SORCS3: variants seen among roughly 807,000 people sequenced by gnomAD.
SORCS3 encodes VPS10 domain-containing receptor SorCS3.
In SORCS3, 57 loss-of-function variants were observed where a neutral mutation model predicts 146.3. The observed-to-expected ratio is 0.39, with a 90% CI of 0.31 to 0.49. The LOEUF (loss-of-function observed/expected upper bound fraction) is 0.49, where lower values mean the gene tolerates loss of function less well. SORCS3 is among the 20% of genes least tolerant of loss of function. The pLI is 0.92. For synonymous variants in SORCS3, 653 were observed against 618.5 expected, an observed-to-expected ratio of 1.06 and a Z score of -0.83; for missense variants, 1,341 against 1,575.5, an observed-to-expected ratio of 0.85 and a Z score of 2.52.
intron 1 of SORCS3, among the ~76,000 whole-genome samples, chr10:104,829,554 G>T (rs182926391): frequency 1.1e-3 from 166 of 152,282 alleles, no homozygotes; most frequent in Non-Finnish European, 2.2e-3. Context: ...GGTTTAAACT[G>T]CCATTTGGGG....
At chr10:104,922,248 A>G (rs1159615863) in intron 3 of SORCS3, among the ~76,000 whole-genome samples, 1 of 152,240 alleles carries the variant, frequency 6.6e-6, no homozygotes, top group African/African-American at 2.4e-5. Flanking sequence ...TTTTCAGTCC[A>G]CAAATATTAA....
At chr10:105,002,902 C>G (rs902679925) in intron 4 of SORCS3, among the ~76,000 whole-genome samples, 10 of 152,184 alleles carry the variant, frequency 6.6e-5, no homozygotes, top group African/African-American at 2.4e-4. Context: ...ATATAGAGTA[C>G]TCGCTGTGTT....
intron 3 of SORCS3, among the ~76,000 whole-genome samples, chr10:104,966,751 G>A (rs996491015): frequency 1.3e-5 from 2 of 152,122 alleles, no homozygotes; most frequent in Non-Finnish European, 2.9e-5. Flanking sequence ...AGATTTCTGG[G>A]GAGGATTTTG....
chr10:104,670,017 A>G (rs1227114439), intron 1 of SORCS3, among the ~76,000 whole-genome samples: 1 of 151,890 alleles, frequency 6.6e-6, no homozygotes, highest in African/African-American at 2.4e-5. Flanking sequence ...TCATTTGTAT[A>G]TCTCCTTTGG....
chr10:105,217,868 C>T (rs771125313), intron 19 of SORCS3: 35 of 453,836 alleles, frequency 7.7e-5, no homozygotes, highest in African/African-American at 6.2e-4. Context: ...GAAATGTTGT[C>T]TTGGGGCTGG....
chr10:104,786,999 G>A (rs1320029288), intron 1 of SORCS3, among the ~76,000 whole-genome samples: 1 of 152,172 alleles, frequency 6.6e-6, no homozygotes, highest in Non-Finnish European at 1.5e-5. Context: ...GGCTAAGCTA[G>A]ACTTGTAGCT....
chr10:104,907,959 C>T (rs962749989), intron 2 of SORCS3, among the ~76,000 whole-genome samples: 4 of 152,226 alleles, frequency 2.6e-5, no homozygotes, highest in Admixed American at 2.0e-4. Context: ...TGGGCACTGG[C>T]CCTAAAATGA....
rs1197838063 is a variant in SORCS3 at position 105,226,932 on chromosome 10, T to A, written c.2868+3683T>A. On this transcript the variant is annotated intron_variant, in intron 20 of 26. Transcript: ENST00000369701. ...CCTCCTTTTCCATTTCTGATTTTAT[T>A]TGAGTCTTTACTCTTTCTTGGTTAG... Among the ~76,000 whole-genome samples the A allele has an allele frequency of 3.9e-5, 6 of 152,136 alleles. No homozygotes were observed. In the East Asian group the frequency reaches 1.2e-3, roughly 29 times the overall value.
At chr10:105,115,177 A>T (rs768357876) in intron 7 of SORCS3, among the ~76,000 whole-genome samples, 4 of 152,176 alleles carry the variant, frequency 2.6e-5, no homozygotes, top group Non-Finnish European at 4.4e-5. Flanking sequence ...GCCACCTACC[A>T]GCCAGGAAAT....
chr10:105,197,674 A>G (rs914122037), intron 14 of SORCS3, among the ~76,000 whole-genome samples: 1 of 152,160 alleles, frequency 6.6e-6, no homozygotes, highest in Non-Finnish European at 1.5e-5. Context: ...ATTACTATTA[A>G]ACCTGAAAAG....
In SORCS3 at chr10:104,802,810, A is replaced by G. The variant is rs533615878; in HGVS notation, c.628-39982A>G. 2.0e-5 allele frequency among the ~76,000 whole-genome samples: 3 copies of G among 152,306 alleles called. No individual in the cohort carries two copies. The East Asian group carries it at 5.8e-4, about 29-fold the overall frequency. On this transcript the variant is annotated intron_variant, in intron 1 of 26. Transcript: ENST00000369701. ...GAGCATAGAGAGTAGGAGACACCAA[A>G]TTGAGTTTTTTCACTCTTTTCTCTT...
At chr10:104,752,071 G>T (rs2133469512) in intron 1 of SORCS3, among the ~76,000 whole-genome samples, 1 of 148,014 alleles carries the variant, frequency 6.8e-6, no homozygotes, top group African/African-American at 2.5e-5. Flanking sequence ...GTCTTGCTTT[G>T]TCACCCAGGC....
chr10:104,728,574 G>A (rs1217810580), intron 1 of SORCS3, among the ~76,000 whole-genome samples: 3 of 152,158 alleles, frequency 2.0e-5, no homozygotes, highest in Non-Finnish European at 2.9e-5. Context: ...CAAAGACCTG[G>A]GGATATACTG....
chr10:105,259,227 TTAAC>T (rs1442714797), intron 25 of SORCS3, among the ~76,000 whole-genome samples: 1 of 152,188 alleles, frequency 6.6e-6, no homozygotes, highest in African/African-American at 2.4e-5. Flanking sequence ...ATACTTAACT[TTAAC>T]TAATTAAGTG....
At chr10:104,872,138 TATG>T (rs2018525061) in intron 2 of SORCS3, among the ~76,000 whole-genome samples, 1 of 152,158 alleles carries the variant, frequency 6.6e-6, no homozygotes, top group Non-Finnish European at 1.5e-5. Context: ...GTAATATAAA[TATG>T]ATAATAGCTG....
chr10:105,223,994 C>T (rs893720355), intron 20 of SORCS3, among the ~76,000 whole-genome samples: 9 of 152,144 alleles, frequency 5.9e-5, no homozygotes, highest in Non-Finnish European at 1.0e-4. Flanking sequence ...TCCATATATC[C>T]CCTGCTTCCA....
At chr10:104,642,022 G>GGTGGGGGGGGGGGGGGGGGGCCCCC in intron 1 of SORCS3, 68 bp downstream of exon 1, 1 of 173,336 alleles carries the variant, frequency 5.8e-6, no homozygotes, top group Non-Finnish European at 1.1e-5. Flanking sequence ...GGGTGGGTGG[G>GGTGGGGGGGGGGGGGGGGGGCCCCC]AGCGAGGGAC....
At position 104,865,751 on chromosome 10, in the gene SORCS3, A is replaced by G. The variant is rs552600927; in HGVS notation, c.695+22892A>G. 1.4e-4 allele frequency among the ~76,000 whole-genome samples: 22 copies of G among 152,336 alleles called. 1 individual carries two copies. In the South Asian group the frequency reaches 3.7e-3, roughly 26 times the overall value. On this transcript the variant is annotated intron_variant, in intron 2 of 26. Coordinates refer to ENST00000369701, the MANE Select transcript of SORCS3 (RefSeq NM_014978.3). ...AGGGACCTTAAAGAAACATGAAAGA[A>G]ACATGGAATTTTTTCTTGACATGAA...
chr10:104,695,767 G>A lies in SORCS3; in HGVS notation c.627+53813G>A, dbSNP rs190261055. On this transcript the variant is annotated intron_variant, in intron 1 of 26. Coordinates refer to ENST00000369701, the MANE Select transcript of SORCS3 (RefSeq NM_014978.3). ...CTGTATTGGATATTTTTCTAGATCC[G>A]TATATATAGATCGACTTCATCCTTT... Among the ~76,000 whole-genome samples the A allele has an allele frequency of 5.2e-3, 781 of 151,212 alleles. 10 individuals are homozygous for A. The highest frequency in any genetic ancestry group is 0.017 in the African/African-American group (721 of 41,208).
Sources: gnomAD v4.1 joint callset for allele counts (sites outside exome capture counted in the v4.1 genomes callset) on GRCh38, gnomAD v4.1.1 for gene constraint, MANE v1.5 for transcripts, NCBI Gene and HGNC (gene_info 2026-07-23, HGNC 2026-07-21) for gene names.